NKAIN2: variants seen among roughly 807,000 people sequenced by gnomAD.
The protein encoded by NKAIN2 is sodium/potassium-transporting ATPase subunit beta-1-interacting protein 2.
NKAIN2 carries 14 observed loss-of-function variants against 32.6 expected under a neutral mutation model. That is an observed-to-expected ratio of 0.43 (90% confidence interval 0.28 to 0.67). The LOEUF is 0.67. NKAIN2 is among the 30% of genes least tolerant of loss of function. The pLI is 0.17. For missense variants in NKAIN2, 198 were observed against 258.3 expected (o/e 0.77, Z 1.60); for synonymous variants, 80 against 87.2 (o/e 0.92, Z 0.46).
At chr6:124,393,370 A>C (rs547550542) in intron 3 of NKAIN2, among the ~76,000 whole-genome samples, 1 of 151,122 alleles carries the variant, frequency 6.6e-6, no homozygotes, top group Non-Finnish European at 1.5e-5. Flanking sequence ...TTTCTCATGT[A>C]ATGTCTCTTA....
chr6:124,586,816 C>T (rs763533310), intron 3 of NKAIN2, among the ~76,000 whole-genome samples: 2 of 152,042 alleles, frequency 1.3e-5, no homozygotes, highest in Non-Finnish European at 2.9e-5. Flanking sequence ...GTGGATAAAT[C>T]GTGATACCTC....
chr6:124,128,986 G>A (rs981323587), intron 1 of NKAIN2, among the ~76,000 whole-genome samples: 4 of 152,164 alleles, frequency 2.6e-5, no homozygotes, highest in Non-Finnish European at 4.4e-5. Context: ...GGCTCAGGGT[G>A]AGGCCTGAGA....
chr6:124,725,082 G>GACTT (rs1167407649), intron 4 of NKAIN2, among the ~76,000 whole-genome samples: 1 of 152,056 alleles, frequency 6.6e-6, no homozygotes, highest in East Asian at 1.9e-4. Context: ...TTCAACTTTT[G>GACTT]ACTTAGACCC....
At chr6:123,846,320 C>T (rs1775088995) in intron 1 of NKAIN2, among the ~76,000 whole-genome samples, 1 of 152,122 alleles carries the variant, frequency 6.6e-6, no homozygotes, top group Non-Finnish European at 1.5e-5. Context: ...CCTGCCACTC[C>T]AAATAGGTTG....
rs986617102 is a variant in NKAIN2, at chr6:124,823,449, C to G, written c.*220C>G. The G allele has an allele frequency of 1.9e-6, 1 of 518,528 alleles. No homozygotes were observed. Among genetic ancestry groups the G allele is most frequent in the Admixed American group, 3.1e-5 (1 of 32,042 alleles). The allele number at this position is 518,528 out of a possible 1,614,324, so 32.1% of individuals were successfully genotyped here. A position where few individuals can be genotyped will look rare whatever the true frequency, so the allele number is the denominator to read the frequency against. On this transcript the variant is annotated 3_prime_UTR_variant, in exon 7 of 7. Coordinates refer to ENST00000368417, the MANE Select transcript of NKAIN2 (RefSeq NM_001040214.3). ...CTTGACCTCCTCTTTCTAACTGAAA[C>G]AGACAAATATGCAGGACACGCCCAT...
chr6:123,834,300 G>A (rs931035527), intron 1 of NKAIN2, among the ~76,000 whole-genome samples: 9 of 151,912 alleles, frequency 5.9e-5, no homozygotes, highest in African/African-American at 1.7e-4. Flanking sequence ...GATTACAGGC[G>A]TGTGCCACCA....
chr6:124,696,057 G>A (rs779257301), intron 4 of NKAIN2, among the ~76,000 whole-genome samples: 1 of 152,170 alleles, frequency 6.6e-6, no homozygotes, highest in Non-Finnish European at 1.5e-5. Context: ...AAACTCATCT[G>A]TCTGTTCAGA....
chr6:123,943,694 CT>C (rs2114562028), intron 1 of NKAIN2, among the ~76,000 whole-genome samples: 1 of 152,172 alleles, frequency 6.6e-6, no homozygotes, highest in Admixed American at 6.6e-5. Flanking sequence ...TCACCTTGAG[CT>C]TAATAGTTAT....
At chr6:124,185,305 G>A (rs1043959497) in intron 1 of NKAIN2, among the ~76,000 whole-genome samples, 21 of 151,952 alleles carry the variant, frequency 1.4e-4, no homozygotes, top group Non-Finnish European at 2.4e-4. Flanking sequence ...CACCTAATGC[G>A]GTTTAAAATT....
At chr6:124,183,950 G>A (rs1789580523) in intron 1 of NKAIN2, among the ~76,000 whole-genome samples, 1 of 152,118 alleles carries the variant, frequency 6.6e-6, no homozygotes, top group Non-Finnish European at 1.5e-5. Context: ...CACACATACA[G>A]ATTGATAATG....
intron 1 of NKAIN2, among the ~76,000 whole-genome samples, chr6:124,052,748 G>A (rs1782469436): frequency 6.6e-6 from 1 of 152,084 alleles, no homozygotes; most frequent in African/African-American, 2.4e-5. Context: ...TTCAAAGAGT[G>A]GTAGAGGTCA....
intron 4 of NKAIN2, among the ~76,000 whole-genome samples, chr6:124,687,238 GAATA>G (rs908935888): frequency 7.0e-6 from 1 of 142,744 alleles, no homozygotes; most frequent in African/African-American, 2.6e-5. Context: ...TATATAGAGA[GAATA>G]TATATATTAC....
intron 2 of NKAIN2, among the ~76,000 whole-genome samples, chr6:124,350,158 A>G (rs1021340282): frequency 6.6e-6 from 1 of 152,248 alleles, no homozygotes; most frequent in Non-Finnish European, 1.5e-5. Flanking sequence ...AGGGCAGAAC[A>G]TCTTTTCCAA....
chr6:124,664,935 TAAA>T (rs745520848), intron 4 of NKAIN2, among the ~76,000 whole-genome samples: 3 of 146,020 alleles, frequency 2.1e-5, no homozygotes, highest in African/African-American at 7.7e-5. Flanking sequence ...TATCTTTAAA[TAAA>T]AGAAGGTGAA....
chr6:124,277,632 A>G (rs999657641), intron 1 of NKAIN2, among the ~76,000 whole-genome samples: 1 of 152,136 alleles, frequency 6.6e-6, no homozygotes, highest in Non-Finnish European at 1.5e-5. Flanking sequence ...TGTCAATGCA[A>G]ATAGACTTTG....
chr6:124,504,360 C>T (rs770075644), intron 3 of NKAIN2, among the ~76,000 whole-genome samples: 18 of 152,004 alleles, frequency 1.2e-4, no homozygotes, highest in Non-Finnish European at 2.2e-4. Flanking sequence ...TCTTCTTTTC[C>T]ACACTTGGGC....
At chr6:124,239,069 T>C (rs776131762) in intron 1 of NKAIN2, among the ~76,000 whole-genome samples, 14 of 151,988 alleles carry the variant, frequency 9.2e-5, no homozygotes, top group African/African-American at 2.7e-4. Context: ...TGGAGGAATA[T>C]TTACCAAGCA....
chr6:124,808,892 A>G (rs1282987266), intron 5 of NKAIN2, among the ~76,000 whole-genome samples: 2 of 152,210 alleles, frequency 1.3e-5, no homozygotes, highest in African/African-American at 4.8e-5. Context: ...ATTGCTTCAA[A>G]GAGAATAAAA....
At chr6:124,434,271 A>G (rs73578463) in intron 3 of NKAIN2, among the ~76,000 whole-genome samples, 1,863 of 152,236 alleles carry the variant, frequency 0.012, 34 homozygotes, top group African/African-American at 0.043. Flanking sequence ...TTTCAGTGGG[A>G]AGGGGCTTTG....
Sources: gnomAD v4.1 joint callset for allele counts (sites outside exome capture counted in the v4.1 genomes callset) on GRCh38, gnomAD v4.1.1 for gene constraint, MANE v1.5 for transcripts, NCBI Gene and HGNC (gene_info 2026-07-23, HGNC 2026-07-21) for gene names.